Variants in DPP10 observed in about 807,000 individuals in gnomAD.
The protein encoded by DPP10 is dipeptidyl peptidase like 10, also known as inactive dipeptidyl peptidase 10.
DPP10 carries 33 observed loss-of-function variants against 120.9 expected under a neutral mutation model. The ratio of observed to expected loss-of-function variants is 0.27; its 90% CI spans 0.21 to 0.37. DPP10 has a LOEUF of 0.37. Ranked by LOEUF, DPP10 falls within the 10% of genes least tolerant of loss-of-function variation. The probability of loss-of-function intolerance (pLI) is 1.00; values close to 1 mark genes in which losing one functional copy is unlikely to be tolerated. For synonymous variants in DPP10, 337 were observed against 326.1 expected (o/e 1.03, Z -0.36); for missense variants, 816 against 942.8 (o/e 0.87, Z 1.76).
chr2:115,445,375 G>T (rs3886244), intron 3 of DPP10, among the ~76,000 whole-genome samples: 1 of 152,198 alleles, frequency 6.6e-6, no homozygotes, highest in Non-Finnish European at 1.5e-5. Context: ...GGGCTCAGAA[G>T]AAGACAGGAA....
At chr2:115,483,339 A>G (rs2105285898) in intron 3 of DPP10, among the ~76,000 whole-genome samples, 1 of 152,270 alleles carries the variant, frequency 6.6e-6, no homozygotes, top group Middle Eastern at 3.4e-3. Context: ...CCAGCTCCAA[A>G]ATTAAATACT....
intron 1 of DPP10, among the ~76,000 whole-genome samples, chr2:114,700,363 C>T (rs1314612581): frequency 1.3e-5 from 2 of 151,408 alleles, no homozygotes; most frequent in African/African-American, 2.4e-5. Context: ...TAGATTACTT[C>T]CCACCTTTCC....
chr2:115,615,639 A>G (rs2084436695), intron 5 of DPP10, among the ~76,000 whole-genome samples: 1 of 152,234 alleles, frequency 6.6e-6, no homozygotes, highest in Admixed American at 6.5e-5. Flanking sequence ...CCTATTAAAT[A>G]CAAAACTAGA....
chr2:115,186,014 A>G (rs1401879226), intron 1 of DPP10, among the ~76,000 whole-genome samples: 3 of 152,216 alleles, frequency 2.0e-5, no homozygotes, highest in African/African-American at 2.4e-5. Flanking sequence ...TACACCCCAC[A>G]TTGTTGTGTT....
At chr2:115,153,274 T>C (rs1347326189) in intron 1 of DPP10, among the ~76,000 whole-genome samples, 1 of 152,196 alleles carries the variant, frequency 6.6e-6, no homozygotes. Context: ...TGCAGAAATA[T>C]GAGGGACCAA....
At chr2:115,806,205 A>G (rs932809660) in intron 19 of DPP10, among the ~76,000 whole-genome samples, 1 of 152,164 alleles carries the variant, frequency 6.6e-6, no homozygotes, top group Non-Finnish European at 1.5e-5. Flanking sequence ...AAGAATTCCA[A>G]TTTCCTTTTG....
intron 1 of DPP10, among the ~76,000 whole-genome samples, chr2:115,174,490 T>G (rs1573893637): frequency 6.6e-6 from 1 of 152,328 alleles, no homozygotes; most frequent in East Asian, 1.9e-4. Context: ...GTGTTTGTCT[T>G]TGATAGCAGA....
intron 1 of DPP10, among the ~76,000 whole-genome samples, chr2:115,292,193 T>C (rs967093841): frequency 6.6e-6 from 1 of 152,136 alleles, no homozygotes; most frequent in Non-Finnish European, 1.5e-5. Flanking sequence ...CTAAACTTCA[T>C]AGGAATGAAT....
intron 3 of DPP10, among the ~76,000 whole-genome samples, chr2:115,493,816 G>C (rs977537538): frequency 6.6e-6 from 1 of 152,128 alleles, no homozygotes; most frequent in Admixed American, 6.6e-5. Flanking sequence ...TACTGCAGAA[G>C]ATACAGAGAA....
At chr2:114,626,451 A>G (rs565993656) in intron 1 of DPP10, among the ~76,000 whole-genome samples, 39 of 152,222 alleles carry the variant, frequency 2.6e-4, no homozygotes, top group Non-Finnish European at 5.3e-4. Flanking sequence ...CATAAACTAT[A>G]TATGTGAACT....
At chr2:115,043,724 A>C (rs983314963) in intron 1 of DPP10, among the ~76,000 whole-genome samples, 9 of 152,160 alleles carry the variant, frequency 5.9e-5, no homozygotes, top group Admixed American at 3.3e-4. Flanking sequence ...TGATTTTAAA[A>C]ATTATGGAGA....
chr2:114,451,963 A>C (rs912770879), intron 1 of DPP10, among the ~76,000 whole-genome samples: 6 of 152,204 alleles, frequency 3.9e-5, no homozygotes, highest in African/African-American at 1.2e-4. Flanking sequence ...CATTAGCTTC[A>C]TTTAGAAAGG....
chr2:114,459,473 A>C (rs371820846), intron 1 of DPP10, among the ~76,000 whole-genome samples: 1 of 152,156 alleles, frequency 6.6e-6, no homozygotes, highest in African/African-American at 2.4e-5. Flanking sequence ...CTGGTGTCAA[A>C]AATTTTTATG....
At chr2:115,263,077 G>A (rs2059322358) in intron 1 of DPP10, among the ~76,000 whole-genome samples, 1 of 152,148 alleles carries the variant, frequency 6.6e-6, no homozygotes, top group East Asian at 1.9e-4. Flanking sequence ...GTGTCCAAGA[G>A]CAAGTCATTT....
At chr2:115,791,653 T>G (rs549593823) in intron 19 of DPP10, among the ~76,000 whole-genome samples, 94 of 152,302 alleles carry the variant, frequency 6.2e-4, no homozygotes, top group Non-Finnish European at 1.2e-3. Flanking sequence ...CCTGCGCTCT[T>G]TATCAGTTGT....
At chr2:115,085,530 T>G (rs1708619461) in intron 1 of DPP10, among the ~76,000 whole-genome samples, 2 of 152,318 alleles carry the variant, frequency 1.3e-5, no homozygotes, top group East Asian at 3.9e-4. Context: ...AGAAAATGCA[T>G]AGTTAAAAGG....
intron 1 of DPP10, among the ~76,000 whole-genome samples, chr2:114,880,435 TA>T (rs1291307075): frequency 4.6e-5 from 7 of 152,198 alleles, no homozygotes; most frequent in Non-Finnish European, 1.0e-4. Context: ...CATAGTCAGA[TA>T]TAATTTTGTG....
At chr2:115,164,652 A>G (rs1246702278) in intron 1 of DPP10, among the ~76,000 whole-genome samples, 1 of 152,224 alleles carries the variant, frequency 6.6e-6, no homozygotes, top group East Asian at 1.9e-4. Context: ...AGGCCATCAA[A>G]CACCTATTTC....
At chr2:115,288,959 G>A (rs954960232) in intron 1 of DPP10, among the ~76,000 whole-genome samples, 2 of 152,188 alleles carry the variant, frequency 1.3e-5, no homozygotes, top group African/African-American at 4.8e-5. Flanking sequence ...TCATGCAAGA[G>A]AAGGAAATAA....
Sources: allele counts gnomAD v4.1 joint callset (sites outside exome capture counted in the v4.1 genomes callset), GRCh38; gene constraint gnomAD v4.1.1; transcripts MANE v1.5; gene names NCBI Gene and HGNC (gene_info 2026-07-23, HGNC 2026-07-21).